The following CHD5 variants were observed in gnomAD, a reference collection of about 807,000 sequenced individuals.
CHD5 encodes chromodomain helicase DNA binding protein 5.
CHD5 carries 69 observed loss-of-function variants against 230.3 expected under a neutral mutation model. The observed-to-expected ratio is 0.30, with a 90% CI of 0.25 to 0.37. The LOEUF is 0.37. Ranked by LOEUF, CHD5 falls within the 10% of genes least tolerant of loss-of-function variation. CHD5 has a pLI of 1.00. For synonymous variants in CHD5, 1,064 were observed against 1,065.9 expected (o/e 1.00, Z 0.03); for missense variants, 1,827 against 2,622.8 (o/e 0.70, Z 6.63).
intron 1 of CHD5, among the ~76,000 whole-genome samples, chr1:6,169,664 A>C (rs1667306102): frequency 6.6e-6 from 1 of 152,214 alleles, no homozygotes; most frequent in Non-Finnish European, 1.5e-5. Context: ...AACCATCCAA[A>C]GTAGAGACAC....
intron 2 of CHD5, among the ~76,000 whole-genome samples, chr1:6,161,761 C>G (rs1006663539): frequency 6.6e-6 from 1 of 152,226 alleles, no homozygotes; most frequent in Non-Finnish European, 1.5e-5. Flanking sequence ...GAGACACGCT[C>G]TCCCTGAGCC....
At chr1:6,116,462 A>T (rs776327035) in intron 33 of CHD5, among the ~76,000 whole-genome samples, 7 of 152,190 alleles carry the variant, frequency 4.6e-5, no homozygotes, top group Non-Finnish European at 7.4e-5. Context: ...ACTTCACTCT[A>T]AAAACAAAAC....
At position 6,154,841 on chromosome 1, in the gene CHD5, C is replaced by A; in HGVS notation, c.564G>T (p.Leu188=). The A allele has an allele frequency of 6.2e-7, 1 of 1,614,054 alleles. No individual in the cohort carries two copies. Among genetic ancestry groups the A allele is most frequent in the Non-Finnish European group, 8.5e-7 (1 of 1,179,974 alleles). ...CGCTGAACTCCCGCCACTTGGCACC[C>A]AGGACGGTCATCATTTTGGACATGG... ...KIPMSKMMTV[L]GAKWREFSAN... The change falls in exon 5 of 42, where the codon CTG becomes CTT. Residue 188 remains leucine (L), a synonymous_variant. Coordinates refer to ENST00000262450, the MANE Select transcript of CHD5 (RefSeq NM_015557.3). This position sits in a 1 kb window ranked among gnomAD's most constrained non-coding sequence, Gnocchi z 7.0.
chr1:6,148,954 AGCTCGCCCCCGTCCTTGC>A lies in CHD5; in HGVS notation c.1265_1282del (p.Cys422_Glu427del). On this transcript the variant is annotated inframe_deletion, in exon 9 of 42. Coordinates refer to ENST00000262450, the MANE Select transcript of CHD5 (RefSeq NM_015557.3). ...GGAGGGGCAGGCGTCGCAGCAGAGC[AGCTCGCCCCCGTCCTTGC>A]ACACGCGGCAGAACTCCATGTGGTC... The A allele has an allele frequency of 6.2e-7, 1 of 1,604,106 alleles. No individual in the cohort carries two copies. Among genetic ancestry groups the A allele is most frequent in the Non-Finnish European group, 8.5e-7 (1 of 1,175,510 alleles).
In CHD5 at chr1:6,124,589, G is replaced by A. The variant is rs150627163; in HGVS notation, c.4467C>T (p.Gly1489=). The A allele has an allele frequency of 3.0e-5, 48 of 1,606,920 alleles. No individual in the cohort carries two copies. Among genetic ancestry groups the A allele is most frequent in the African/African-American group, 1.4e-4 (10 of 73,930 alleles). ...GCCTGGAGAGGCCCTCCCGGGGCAC[G>A]CCGTCTGCGAAGGTCTCTGCACCAT... ...GADGAETFAD[G]VPREGLSRQH... Residue 1489 remains glycine, a synonymous_variant, in exon 30 of 42, where the codon GGC becomes GGT. Transcript: ENST00000262450.
Position 6,121,589 on chromosome 1 carries a change from A to G in CHD5, c.4700-16T>C. The G allele has an allele frequency of 6.2e-7, 1 of 1,603,974 alleles. No homozygotes were observed. Among genetic ancestry groups the G allele is most frequent in the Non-Finnish European group, 8.5e-7 (1 of 1,172,790 alleles). On this transcript the variant is annotated splice_polypyrimidine_tract_variant and intron_variant, in intron 31 of 41. Transcript: ENST00000262450. The surrounding 1 kb of genome is among the most constrained non-coding windows in gnomAD (Gnocchi z 4.5). ...TCCATTTTGTCTGAAAGATCAAGGG[A>G]AAGAGCTGAGACAGGTGGGCTCAGA...
chr1:6,104,727 TG>T lies in CHD5; in HGVS notation c.*746del, dbSNP rs1666133762. 1 of 150,214 alleles carries T rather than the reference TG, an allele frequency of 6.7e-6. No homozygotes were observed. Among genetic ancestry groups the T allele is most frequent in the Non-Finnish European group, 1.5e-5 (1 of 67,792 alleles). The allele number at this position is 150,214 out of a possible 1,614,324, so 9.3% of individuals were successfully genotyped here. A position where few individuals can be genotyped will look rare whatever the true frequency, so the allele number is the denominator to read the frequency against. ...AGAGTCCAGGGCCTTCAAGATGCGC[TG>T]GGCCGGGGACAGACACCTGCTGGCA... On this transcript the variant is annotated 3_prime_UTR_variant, in exon 42 of 42. Coordinates refer to ENST00000262450, the MANE Select transcript of CHD5 (RefSeq NM_015557.3).
intron 1 of CHD5, among the ~76,000 whole-genome samples, chr1:6,178,548 T>C (rs1458819433): frequency 6.6e-6 from 1 of 150,642 alleles, no homozygotes; most frequent in Admixed American, 6.6e-5. Flanking sequence ...GGCCTCAGAG[T>C]TCCCCTCCGG....
chr1:6,121,663 G>C lies in CHD5; in HGVS notation c.4700-90C>G. On this transcript the variant is annotated intron_variant, in intron 31 of 41. Transcript: ENST00000262450. This position sits in a 1 kb window ranked among gnomAD's most constrained non-coding sequence, Gnocchi z 4.5. The stretch of plus-strand genomic sequence containing the variant: ...GGGGTGGCAGAGAGGAGAGATGGGG[G>C]CTTGGCCTTCGGGAGGCTCCACTGC... 1.1e-6 allele frequency: 1 copy of C among 908,126 alleles called. No individual in the cohort carries two copies. The highest frequency in any genetic ancestry group is 1.6e-5 in the South Asian group (1 of 63,296). The allele number at this position is 908,126 out of a possible 1,614,324, so 56.3% of individuals were successfully genotyped here. A position where few individuals can be genotyped will look rare whatever the true frequency, so the allele number is the denominator to read the frequency against.
intron 17 of CHD5, 150 bp downstream of exon 17, chr1:6,136,367 G>A (rs561667124): frequency 1.1e-6 from 1 of 899,854 alleles, no homozygotes; most frequent in African/African-American, 1.7e-5. Context: ...CCTGCAGGAG[G>A]TCAAAGCGGG....
rs1223406120 is a variant in CHD5, at chr1:6,121,165, G to C, written c.4852C>G (p.Arg1618Gly). 20 of 1,613,778 alleles carry C rather than the reference G, an allele frequency of 1.2e-5. No individual in the cohort carries two copies. Among genetic ancestry groups the C allele is most frequent in the Non-Finnish European group, 1.5e-5 (18 of 1,179,942 alleles). Residue 1618 changes from arginine to glycine, a missense_variant, in exon 33 of 42, where the codon CGA becomes GGA. By Grantham distance (125) the Arg-to-Gly change is moderately radical. Around this residue, in one of 14 missense-constraint regions of CHD5, gnomAD observed 272 missense variants for 263.2 expected, o/e 1.03. Transcript: ENST00000262450. The surrounding 1 kb of genome is among the most constrained non-coding windows in gnomAD (Gnocchi z 4.5). ...TCCGTCTCCTCTGGCCGCTCCTCTC[G>C]GGCTCTCTCCTTGCTGGCTGGGCTC... ...HESPASKERA[R>G]EERPEETEKA...
chr1:6,118,301 C>G (rs1399840038), intron 33 of CHD5, among the ~76,000 whole-genome samples: 1 of 150,828 alleles, frequency 6.6e-6, no homozygotes, highest in Non-Finnish European at 1.5e-5. Context: ...TCGCTTGCAC[C>G]CAGGGGGTCA....
chr1:6,112,858 A>C, intron 34 of CHD5, 51 bp downstream of exon 34: 1 of 1,372,112 alleles, frequency 7.3e-7, no homozygotes, highest in Non-Finnish European at 1.0e-6. Flanking sequence ...TCCAGAGGGC[A>C]CCCTCAAGGG....
chr1:6,106,387 G>A lies in CHD5; in HGVS notation c.5857+8C>T. On this transcript the variant is annotated splice_region_variant and intron_variant, in intron 40 of 41. Coordinates refer to ENST00000262450, the MANE Select transcript of CHD5 (RefSeq NM_015557.3). ...TGTGCATGCTGCCCGGAGCGGACGG[G>A]CACCTACCGGTCACATAGGGCCCCA... 6.2e-7 allele frequency: 1 copy of A among 1,603,968 alleles called. No homozygotes were observed. Among genetic ancestry groups the A allele is most frequent in the South Asian group, 1.1e-5 (1 of 90,272 alleles).
In CHD5 at chr1:6,146,748, G is replaced by A. The variant is rs1169775372; in HGVS notation, c.1507C>T (p.Leu503=). 2 of 1,612,158 alleles carry A rather than the reference G, an allele frequency of 1.2e-6. No individual in the cohort carries two copies. The highest frequency in any genetic ancestry group is 1.7e-6 in the Non-Finnish European group (2 of 1,179,102). Residue 503 remains leucine, a synonymous_variant, in exon 10 of 42, where the codon CTG becomes TTG. Coordinates refer to ENST00000262450, the MANE Select transcript of CHD5 (RefSeq NM_015557.3). The surrounding 1 kb of genome is among the most constrained non-coding windows in gnomAD (Gnocchi z 5.1). ...AACTCTCTCTCAGGGATGCCCTCCA[G>A]GGGCTTAGGTGGAGGGAGGCTGGGC... ...VEPSLPPPKP[L]EGIPEREFFV... is the part of the protein sequence containing the mutation.
rs145127316 is a variant in CHD5, at chr1:6,112,157, G to A, written c.5123C>T (p.Ala1708Val). The A allele has an allele frequency of 1.2e-5, 20 of 1,613,944 alleles. No individual in the cohort carries two copies. Among genetic ancestry groups the A allele is most frequent in the South Asian group, 2.2e-5 (2 of 91,054 alleles). The change falls in exon 35 of 42, where the codon GCG (alanine) becomes GTG (valine). Residue 1708 changes from alanine (A) to valine (V), a missense_variant. Coordinates refer to ENST00000262450, the MANE Select transcript of CHD5 (RefSeq NM_015557.3). ...CCCAATACCCGTGAAGCCCCCGTCC[G>A]CGATGTTGAACATGAACTTGAATTT... ...KGKFKFMFNI[A>V]DGGFTELHTL...
At chr1:6,163,226 C>T (rs1486935659) in intron 2 of CHD5, among the ~76,000 whole-genome samples, 1 of 152,230 alleles carries the variant, frequency 6.6e-6, no homozygotes, top group East Asian at 1.9e-4. Context: ...GGGGCTCAGG[C>T]AAGCCAGCAA....
chr1:6,141,207 C>T (rs1046285451), intron 15 of CHD5, among the ~76,000 whole-genome samples: 5 of 151,378 alleles, frequency 3.3e-5, no homozygotes, highest in East Asian at 1.9e-4. Context: ...TTGCTTGAAC[C>T]GGGAGGCAGA....
In CHD5 at chr1:6,155,147, A is replaced by C. The variant is rs1162456261; in HGVS notation, c.507-249T>G. On this transcript the variant is annotated intron_variant, in intron 4 of 41. Transcript: ENST00000262450. This position sits in a 1 kb window ranked among gnomAD's most constrained non-coding sequence, Gnocchi z 4.0. The stretch of plus-strand genomic sequence containing the variant: ...CTGTCCACACCCACAGCCCACCCCC[A>C]AAACACCCAGCTTCCTGTCCACACC... 8.6e-5 allele frequency among the ~76,000 whole-genome samples: 7 copies of C among 81,286 alleles called. No individual in the cohort carries two copies. The highest frequency in any genetic ancestry group is 1.5e-4 in the African/African-American group (2 of 13,444). 53.3% of individuals were successfully genotyped at this position (81,286 alleles called of 152,430 possible).
Sources: allele counts gnomAD v4.1 joint callset (sites outside exome capture counted in the v4.1 genomes callset), GRCh38; gene constraint gnomAD v4.1.1; regional missense constraint gnomAD v4.1.1; non-coding constraint Gnocchi (gnomAD v3.1); transcripts MANE v1.5; gene names NCBI Gene and HGNC (gene_info 2026-07-23, HGNC 2026-07-21).